TTBK2: variants seen among roughly 807,000 people sequenced by gnomAD.
The protein encoded by TTBK2 is tau-tubulin kinase 2.
Under a neutral mutation model 110.8 loss-of-function variants are expected in TTBK2, and 28 were observed. That is an observed-to-expected ratio of 0.25 (90% confidence interval 0.19 to 0.35). TTBK2 has a LOEUF of 0.35. Ranked by LOEUF, TTBK2 falls within the 10% of genes least tolerant of loss-of-function variation. The pLI is 1.00. For synonymous variants in TTBK2, 532 were observed against 527.3 expected (o/e 1.01, Z -0.12); for missense variants, 1,369 against 1,500.3 (o/e 0.91, Z 1.45).
intron 7 of TTBK2, among the ~76,000 whole-genome samples, chr15:42,815,958 A>AAAAAAAATAT (rs71108183): frequency 5.5e-5 from 5 of 91,716 alleles, no homozygotes; most frequent in African/African-American, 3.1e-4. Flanking sequence ...TTAAAAAAAA[A>AAAAAAAATAT]ATATATATAT....
At chr15:42,832,171 T>A (rs1477511855) in intron 4 of TTBK2, among the ~76,000 whole-genome samples, 1 of 152,232 alleles carries the variant, frequency 6.6e-6, no homozygotes. Context: ...AGCAGTGAAC[T>A]GTATAACCAC....
At chr15:42,768,664 C>T (rs1334369743) in intron 13 of TTBK2, among the ~76,000 whole-genome samples, 1 of 152,088 alleles carries the variant, frequency 6.6e-6, no homozygotes, top group African/African-American at 2.4e-5. Flanking sequence ...GAATCAGTAT[C>T]GTGAAAATGG....
At chr15:42,818,446 G>A (rs1892133310) in intron 6 of TTBK2, among the ~76,000 whole-genome samples, 1 of 152,152 alleles carries the variant, frequency 6.6e-6, no homozygotes, top group South Asian at 2.1e-4. Flanking sequence ...TCGGCCAGGC[G>A]TGGTGGCTCA....
intron 9 of TTBK2, among the ~76,000 whole-genome samples, chr15:42,795,662 G>C (rs1890904653): frequency 6.6e-6 from 1 of 151,902 alleles, no homozygotes; most frequent in South Asian, 2.1e-4. Flanking sequence ...GGCGAACATG[G>C]TGAAACCCTG....
intron 13 of TTBK2, among the ~76,000 whole-genome samples, chr15:42,754,898 C>T (rs1349472045): frequency 2.0e-5 from 3 of 149,900 alleles, no homozygotes; most frequent in African/African-American, 7.3e-5. Flanking sequence ...ATCCCAGATA[C>T]TCAGGAGGCT....
chr15:42,839,730 G>A (rs1893143701), intron 4 of TTBK2, among the ~76,000 whole-genome samples: 1 of 152,146 alleles, frequency 6.6e-6, no homozygotes, highest in Non-Finnish European at 1.5e-5. Context: ...TATGCTTTTT[G>A]GCCATATATA....
intron 2 of TTBK2, among the ~76,000 whole-genome samples, chr15:42,876,309 A>G (rs1215025823): frequency 6.6e-6 from 1 of 152,128 alleles, no homozygotes; most frequent in Admixed American, 6.5e-5. Flanking sequence ...AGTTGCTCAG[A>G]TATATTAGTT....
chr15:42,871,452 C>G (rs775450511), intron 3 of TTBK2: 24 of 985,362 alleles, frequency 2.4e-5, no homozygotes, highest in Non-Finnish European at 2.9e-5. Context: ...CACCTGGAAG[C>G]ATCTCCTTGG....
intron 1 of TTBK2, among the ~76,000 whole-genome samples, chr15:42,904,147 C>T (rs755061191): frequency 2.6e-5 from 4 of 152,096 alleles, no homozygotes; most frequent in African/African-American, 7.2e-5. Context: ...AGTATCCACC[C>T]GAGTCATACC....
chr15:42,864,908 G>A (rs1234505763), intron 3 of TTBK2, among the ~76,000 whole-genome samples: 2 of 151,482 alleles, frequency 1.3e-5, no homozygotes, highest in Non-Finnish European at 2.9e-5. Flanking sequence ...GTATGCTTAT[G>A]TATATATTTT....
At chr15:42,807,379 T>C (rs1891512549) in intron 9 of TTBK2, among the ~76,000 whole-genome samples, 1 of 152,058 alleles carries the variant, frequency 6.6e-6, no homozygotes, top group South Asian at 2.1e-4. Context: ...ATAAAGATAT[T>C]TGTGTTACCA....
intron 3 of TTBK2, among the ~76,000 whole-genome samples, chr15:42,850,566 C>T (rs1014411192): frequency 6.6e-6 from 1 of 152,180 alleles, no homozygotes; most frequent in African/African-American, 2.4e-5. Context: ...GAACCAGAAC[C>T]TGGACTACTG....
At chr15:42,804,825 T>C (rs1297213267) in intron 9 of TTBK2, among the ~76,000 whole-genome samples, 1 of 152,210 alleles carries the variant, frequency 6.6e-6, no homozygotes, top group African/African-American at 2.4e-5. Flanking sequence ...AAAAGTACTC[T>C]GCTTTCAACT....
chr15:42,870,203 C>T (rs925697022), intron 3 of TTBK2, among the ~76,000 whole-genome samples: 3 of 151,764 alleles, frequency 2.0e-5, no homozygotes, highest in Admixed American at 6.6e-5. Flanking sequence ...TAATAAAATT[C>T]GAGAGTCTAG....
At chr15:42,866,437 G>A (rs954717967) in intron 3 of TTBK2, among the ~76,000 whole-genome samples, 1 of 152,050 alleles carries the variant, frequency 6.6e-6, no homozygotes, top group Non-Finnish European at 1.5e-5. Context: ...CAATAGAACT[G>A]TAAGGAGAAA....
chr15:42,838,345 T>A (rs949138050), intron 4 of TTBK2, among the ~76,000 whole-genome samples: 1 of 151,948 alleles, frequency 6.6e-6, no homozygotes, highest in African/African-American at 2.4e-5. Context: ...AGGGTGACTA[T>A]AATTCAGGGT....
intron 13 of TTBK2, among the ~76,000 whole-genome samples, chr15:42,770,212 T>A (rs963357906): frequency 1.3e-5 from 2 of 152,084 alleles, no homozygotes; most frequent in African/African-American, 4.8e-5. Flanking sequence ...AACCTGCACG[T>A]CATGCACACG....
At chr15:42,811,939 C>T (rs776413974) in intron 7 of TTBK2, among the ~76,000 whole-genome samples, 159 bp from the exon 8 acceptor site, 5 of 151,876 alleles carry the variant, frequency 3.3e-5, no homozygotes, top group Admixed American at 6.6e-5. Context: ...TATAAATTTA[C>T]ATAGCTATAC....
rs927425558 is a variant in TTBK2, at chr15:42,858,103, C to G, written c.217+14508G>C. 3.3e-5 allele frequency among the ~76,000 whole-genome samples: 5 copies of G among 151,948 alleles called. No individual in the cohort carries two copies. The East Asian group carries it at 9.6e-4, about 29-fold the overall frequency. Reference sequence around the variant, plus strand: ...CCCAAAACAACAACAACAACAACAACAACAAAACCAAAGTTAATGGATTCA... The same window carrying G: ...CCCAAAACAACAACAACAACAACAAGAACAAAACCAAAGTTAATGGATTCA... On this transcript the variant is annotated intron_variant, in intron 3 of 14. Coordinates refer to ENST00000267890, the MANE Select transcript of TTBK2 (RefSeq NM_173500.4).
Sources: allele counts gnomAD v4.1 joint callset (sites outside exome capture counted in the v4.1 genomes callset), GRCh38; gene constraint gnomAD v4.1.1; transcripts MANE v1.5; gene names NCBI Gene and HGNC (gene_info 2026-07-23, HGNC 2026-07-21).